SLC25A43: variants seen among roughly 807,000 people sequenced by gnomAD.
The protein encoded by SLC25A43 is solute carrier family 25, member 43.
SLC25A43 carries 10 observed loss-of-function variants against 22.8 expected under a neutral mutation model. That is an observed-to-expected ratio of 0.44 (90% confidence interval 0.27 to 0.74). The LOEUF (loss-of-function observed/expected upper bound fraction) is 0.74. Ranked by LOEUF, SLC25A43 falls within the 30% of genes least tolerant of loss-of-function variation. SLC25A43 has a pLI of 0.17. For missense variants in SLC25A43, 233 were observed against 279.1 expected (o/e 0.83, Z 1.18); for synonymous variants, 106 against 121.6 (o/e 0.87, Z 0.84).
At chrX:119,417,470 A>G (rs1381366816) in intron 3 of SLC25A43, among the ~76,000 whole-genome samples, 11 of 110,194 alleles carry the variant, frequency 1.0e-4, no homozygotes, top group Non-Finnish European at 1.7e-4. Flanking sequence ...ATGAAGTTCA[A>G]TGACATCTAA....
intron 3 of SLC25A43, among the ~76,000 whole-genome samples, chrX:119,450,318 C>A (rs1181617946): frequency 1.8e-5 from 2 of 111,320 alleles, no homozygotes; most frequent in Non-Finnish European, 3.8e-5. Flanking sequence ...GATTTGGAAA[C>A]CAGGAGGTCG....
At chrX:119,446,111 C>G (rs2052664675) in intron 3 of SLC25A43, among the ~76,000 whole-genome samples, 1 of 90,725 alleles carries the variant, frequency 1.1e-5, no homozygotes, top group Non-Finnish European at 2.1e-5. Context: ...CGAGATCAAC[C>G]ACTGCTCTCT....
Position 119,443,722 on chromosome X carries a change from T to TTTTA in SLC25A43, c.691-8259_691-8256dup, listed in dbSNP as rs771760005. ...CCCTTCAACTTGATGGAGAATTATT[T>TTTTA]TTTATTTATTTATTTATTTATTTAT... On this transcript the variant is annotated intron_variant, in intron 3 of 4. Coordinates refer to ENST00000217909, the MANE Select transcript of SLC25A43 (RefSeq NM_145305.3). Among the ~76,000 whole-genome samples, 977 of 106,767 alleles carry TTTTA rather than the reference T, an allele frequency of 9.2e-3. 17 individuals are homozygous for TTTTA. The highest frequency in any genetic ancestry group is 0.031 in the African/African-American group (908 of 29,117). The allele number at this position is 106,767 out of a possible 115,157, so 92.7% of individuals were successfully genotyped here.
At chrX:119,427,817 CTCTTT>C (rs2052520841) in intron 3 of SLC25A43, among the ~76,000 whole-genome samples, 1 of 112,183 alleles carries the variant, frequency 8.9e-6, no homozygotes, top group Admixed American at 9.5e-5. Context: ...AGCTCGAAGA[CTCTTT>C]TCTTTTCCCT....
At chrX:119,442,893 A>T (rs1483719230) in intron 3 of SLC25A43, among the ~76,000 whole-genome samples, 2 of 112,144 alleles carry the variant, frequency 1.8e-5, no homozygotes, top group African/African-American at 3.2e-5. Flanking sequence ...TTATGTACTC[A>T]TTCAGCAAAC....
chrX:119,413,074 C>T (rs1158781621), intron 3 of SLC25A43, among the ~76,000 whole-genome samples: 2 of 109,624 alleles, frequency 1.8e-5, no homozygotes, highest in African/African-American at 6.6e-5. Context: ...AGCTATAATC[C>T]TGCCACCGCA....
At chrX:119,420,424 A>G (rs893979611) in intron 3 of SLC25A43, among the ~76,000 whole-genome samples, 2 of 110,189 alleles carry the variant, frequency 1.8e-5, no homozygotes, top group Non-Finnish European at 3.8e-5. Context: ...CAGCCTCCCA[A>G]GTAGCTGGGA....
chrX:119,448,416 C>G (rs754253673), intron 3 of SLC25A43, among the ~76,000 whole-genome samples: 2 of 111,374 alleles, frequency 1.8e-5, no homozygotes, highest in Non-Finnish European at 3.8e-5. Context: ...TCAGTAAAAG[C>G]CAAAATTCTT....
chrX:119,444,634 C>T (rs1306756741), intron 3 of SLC25A43, among the ~76,000 whole-genome samples: 1 of 106,126 alleles, frequency 9.4e-6, no homozygotes, highest in Non-Finnish European at 1.9e-5. Context: ...ACCCAGGAGG[C>T]GGAAGTTGCA....
chrX:119,428,345 C>T (rs1478519718), intron 3 of SLC25A43, among the ~76,000 whole-genome samples: 2 of 110,832 alleles, frequency 1.8e-5, no homozygotes, highest in Non-Finnish European at 3.8e-5. Flanking sequence ...ATTCTAGCTA[C>T]TCAGGAGGCT....
chrX:119,430,043 C>A (rs2058121621), intron 3 of SLC25A43, among the ~76,000 whole-genome samples: 1 of 112,037 alleles, frequency 8.9e-6, no homozygotes, highest in Admixed American at 9.5e-5. Context: ...CTGCAGAATC[C>A]AGTGTGCTCA....
At chrX:119,405,437 A>T (rs1253502315) in intron 1 of SLC25A43, among the ~76,000 whole-genome samples, 3 of 109,408 alleles carry the variant, frequency 2.7e-5, no homozygotes, top group Non-Finnish European at 5.7e-5. Flanking sequence ...TGGAGGTTTG[A>T]AGGCTAAGGA....
chrX:119,412,961 A>G (rs1363294738), intron 3 of SLC25A43, among the ~76,000 whole-genome samples: 1 of 110,131 alleles, frequency 9.1e-6, no homozygotes, highest in East Asian at 2.8e-4. Flanking sequence ...CTCTACTAAA[A>G]ATAAAAAATT....
At chrX:119,401,528 T>C (rs770295886) in intron 1 of SLC25A43, among the ~76,000 whole-genome samples, 1 of 110,486 alleles carries the variant, frequency 9.1e-6, no homozygotes, top group Non-Finnish European at 1.9e-5. Context: ...AGTTTGGCAT[T>C]GGGAGAATGA....
At position 119,452,912 on chromosome X, in the gene SLC25A43, G is replaced by A; in HGVS notation, c.873G>A (p.Lys291=). Residue 291 remains lysine (K), a synonymous_variant, in exon 5 of 5, where the codon AAG becomes AAA. Coordinates refer to ENST00000217909, the MANE Select transcript of SLC25A43 (RefSeq NM_145305.3). Reference sequence around the variant, plus strand: ...TGTTTAGCACCTTTGAGTTCTGCAAGAGAATCTGTCTTTATCAAAATGGTT... The same window carrying A: ...TGTTTAGCACCTTTGAGTTCTGCAAAAGAATCTGTCTTTATCAAAATGGTT... ...GIMFSTFEFC[K]RICLYQNGYI... is the part of the protein sequence containing the mutation. 1 of 1,211,383 alleles carries A rather than the reference G, an allele frequency of 8.3e-7. No homozygotes were observed. Among genetic ancestry groups the A allele is most frequent in the Non-Finnish European group, 1.1e-6 (1 of 895,135 alleles).
chrX:119,411,281 C>T (rs938471381), intron 3 of SLC25A43, among the ~76,000 whole-genome samples: 6 of 111,068 alleles, frequency 5.4e-5, no homozygotes, highest in Admixed American at 9.6e-5. Flanking sequence ...TGGGCGGATC[C>T]CCTGAGGTCG....
At chrX:119,419,352 G>T (rs2052434481) in intron 3 of SLC25A43, among the ~76,000 whole-genome samples, 1 of 111,975 alleles carries the variant, frequency 8.9e-6, no homozygotes, top group Non-Finnish European at 1.9e-5. Context: ...AAGGTAAGCA[G>T]GATTGGGCCA....
intron 3 of SLC25A43, among the ~76,000 whole-genome samples, chrX:119,414,553 G>A (rs2052382339): frequency 9.0e-6 from 1 of 110,505 alleles, no homozygotes; most frequent in Non-Finnish European, 1.9e-5. Flanking sequence ...ATAGAGACAC[G>A]GTTTCAGCAT....
At chrX:119,423,998 A>C (rs917587034) in intron 3 of SLC25A43, 1 of 110,362 alleles carries the variant, frequency 9.1e-6, no homozygotes, top group Non-Finnish European at 1.9e-5. Context: ...GCGGATCACG[A>C]GGTCAAGTGA....
Sources: gnomAD v4.1 joint callset for allele counts (sites outside exome capture counted in the v4.1 genomes callset) on GRCh38, gnomAD v4.1.1 for gene constraint, MANE v1.5 for transcripts, NCBI Gene and HGNC (gene_info 2026-07-23, HGNC 2026-07-21) for gene names.